INPP4B: variants seen among roughly 807,000 people sequenced by gnomAD.
INPP4B encodes the protein inositol polyphosphate-4-phosphatase type II B, also known as inositol polyphosphate 4-phosphatase type II.
In INPP4B, 55 loss-of-function variants were observed where a neutral mutation model predicts 122.5. The ratio of observed to expected loss-of-function variants is 0.45; its 90% CI spans 0.36 to 0.56. The LOEUF (loss-of-function observed/expected upper bound fraction) is 0.56. Among genes scored for constraint, INPP4B ranks in the 20% least tolerant of loss-of-function variants. INPP4B has a pLI of 0.00. For synonymous variants in INPP4B, 403 were observed against 388.7 expected, an observed-to-expected ratio of 1.04 and a Z score of -0.43; for missense variants, 1,000 against 1,097.7, an observed-to-expected ratio of 0.91 and a Z score of 1.26.
intron 2 of INPP4B, among the ~76,000 whole-genome samples, chr4:142,678,691 T>A (rs1330383918): frequency 6.6e-6 from 1 of 151,892 alleles, no homozygotes; most frequent in Non-Finnish European, 1.5e-5. Context: ...CAAGTTAAAT[T>A]TTTAATCTGT....
intron 7 of INPP4B, among the ~76,000 whole-genome samples, chr4:142,381,004 T>G (rs1012551055): frequency 6.6e-6 from 1 of 152,148 alleles, no homozygotes; most frequent in African/African-American, 2.4e-5. Context: ...ATTCACACAT[T>G]CCCCTACTGA....
intron 1 of INPP4B, among the ~76,000 whole-genome samples, chr4:142,792,456 T>G (rs1487371772): frequency 6.6e-6 from 1 of 152,074 alleles, no homozygotes; most frequent in African/African-American, 2.4e-5. Context: ...CTCACAACAT[T>G]AATAATTCTT....
intron 7 of INPP4B, among the ~76,000 whole-genome samples, chr4:142,318,666 G>A (rs569846202): frequency 6.6e-6 from 1 of 152,164 alleles, no homozygotes; most frequent in Admixed American, 6.5e-5. Context: ...ACCAATTAAT[G>A]GTAGTGATCA....
chr4:142,058,381 A>G (rs1758805246), intron 25 of INPP4B, among the ~76,000 whole-genome samples: 1 of 152,158 alleles, frequency 6.6e-6, no homozygotes, highest in South Asian at 2.1e-4. Flanking sequence ...TCATTTTCAA[A>G]AATCGTTTTA....
intron 12 of INPP4B, among the ~76,000 whole-genome samples, chr4:142,234,974 T>C (rs2627801): frequency 0.78 from 119,011 of 152,166 alleles, 49,703 homozygotes; most frequent in Non-Finnish European, 0.93. Flanking sequence ...ATAACAACAA[T>C]AGTAATGACA....
intron 25 of INPP4B, among the ~76,000 whole-genome samples, chr4:142,039,114 T>A (rs1745747107): frequency 6.6e-6 from 1 of 152,178 alleles, no homozygotes; most frequent in Non-Finnish European, 1.5e-5. Context: ...ACTTTCATCT[T>A]TACTTTCCTG....
At chr4:142,659,984 C>T (rs1299746835) in intron 2 of INPP4B, among the ~76,000 whole-genome samples, 1 of 146,478 alleles carries the variant, frequency 6.8e-6, no homozygotes, top group Non-Finnish European at 1.5e-5. Context: ...AGGCAGATAA[C>T]AACAGAGGTT....
chr4:142,656,140 T>C (rs543337680), intron 2 of INPP4B, among the ~76,000 whole-genome samples: 52 of 152,226 alleles, frequency 3.4e-4, no homozygotes, highest in African/African-American at 1.2e-3. Context: ...CCCCTCTGCT[T>C]CCTGTGTGGA....
At chr4:142,776,047 C>T (rs1230369033) in intron 1 of INPP4B, among the ~76,000 whole-genome samples, 5 of 152,058 alleles carry the variant, frequency 3.3e-5, no homozygotes, top group East Asian at 1.9e-4. Context: ...TATGGAGTAG[C>T]GCTGATATGT....
chr4:142,828,427 T>TG (rs1361181709), intron 1 of INPP4B, among the ~76,000 whole-genome samples: 1 of 152,070 alleles, frequency 6.6e-6, no homozygotes, highest in Non-Finnish European at 1.5e-5. Flanking sequence ...GTTCTGAGAA[T>TG]GAAAAAAATT....
At chr4:142,556,065 A>G (rs1481501969) in intron 2 of INPP4B, among the ~76,000 whole-genome samples, 2 of 152,140 alleles carry the variant, frequency 1.3e-5, no homozygotes, top group Admixed American at 1.3e-4. Context: ...CAACCTTTTA[A>G]TTGACAGGTA....
intron 7 of INPP4B, among the ~76,000 whole-genome samples, chr4:142,359,458 C>G (rs1285885247): frequency 6.6e-6 from 1 of 151,862 alleles, no homozygotes; most frequent in Non-Finnish European, 1.5e-5. Context: ...TTACTATTAC[C>G]AATTTACACT....
chr4:142,076,994 CA>C (rs1771113571), intron 25 of INPP4B, among the ~76,000 whole-genome samples: 1 of 151,936 alleles, frequency 6.6e-6, no homozygotes, highest in South Asian at 2.1e-4. Context: ...GGAAGTCATG[CA>C]AATACATCTT....
chr4:142,801,803 T>G (rs1444854952), intron 1 of INPP4B, among the ~76,000 whole-genome samples: 1 of 152,122 alleles, frequency 6.6e-6, no homozygotes, highest in Non-Finnish European at 1.5e-5. Flanking sequence ...TTGTTTGAGG[T>G]AGGAAATCCA....
At chr4:142,291,624 A>G (rs986285987) in intron 9 of INPP4B, among the ~76,000 whole-genome samples, 1 of 152,180 alleles carries the variant, frequency 6.6e-6, no homozygotes, top group African/African-American at 2.4e-5. Context: ...CCAGCATCCT[A>G]TTCTTAAAAT....
At chr4:142,588,388 C>T (rs1736687952) in intron 2 of INPP4B, among the ~76,000 whole-genome samples, 1 of 151,540 alleles carries the variant, frequency 6.6e-6, no homozygotes, top group Non-Finnish European at 1.5e-5. Context: ...AATGACATGA[C>T]TTATATGTAG....
chr4:142,756,130 G>A (rs1042779060), intron 1 of INPP4B, among the ~76,000 whole-genome samples: 4 of 151,968 alleles, frequency 2.6e-5, no homozygotes, highest in African/African-American at 9.7e-5. Context: ...GAGGAAGTCT[G>A]ATGAAAAGAT....
At chr4:142,500,879 G>T (rs1433625019) in intron 2 of INPP4B, among the ~76,000 whole-genome samples, 1 of 152,100 alleles carries the variant, frequency 6.6e-6, no homozygotes, top group African/African-American at 2.4e-5. Context: ...GTTAGGGTAA[G>T]AAAGAGATAG....
At chr4:142,776,358 A>G (rs1773919147) in intron 1 of INPP4B, among the ~76,000 whole-genome samples, 1 of 152,154 alleles carries the variant, frequency 6.6e-6, no homozygotes, top group South Asian at 2.1e-4. Context: ...TTCAGCAGGT[A>G]TGAAAGGGGC....
Sources: allele counts gnomAD v4.1 joint callset (sites outside exome capture counted in the v4.1 genomes callset), GRCh38; gene constraint gnomAD v4.1.1; transcripts MANE v1.5; gene names NCBI Gene and HGNC (gene_info 2026-07-23, HGNC 2026-07-21).